Variants in CNTLN observed in about 807,000 individuals in gnomAD.
CNTLN encodes the protein centlein.
In CNTLN, 212 loss-of-function variants were observed where a neutral mutation model predicts 180.0. The observed-to-expected ratio is 1.18, with a 90% CI of 1.05 to 1.32. The LOEUF is 1.32. Ranked by LOEUF, CNTLN falls within the 40% of genes most tolerant of loss-of-function variation. The pLI is 0.00. For synonymous variants in CNTLN, 722 were observed against 563.1 expected (o/e 1.28, Z -3.99); for missense variants, 2,095 against 1,610.9 (o/e 1.30, Z -5.14).
intron 2 of CNTLN, among the ~76,000 whole-genome samples, chr9:17,153,918 G>T (rs761240458): frequency 4.6e-5 from 7 of 152,064 alleles, no homozygotes; most frequent in Non-Finnish European, 8.8e-5. Context: ...TTCAATCAAT[G>T]ATATCTTTTC....
chr9:17,303,897 A>G (rs1818535120), intron 7 of CNTLN, among the ~76,000 whole-genome samples: 1 of 152,116 alleles, frequency 6.6e-6, no homozygotes, highest in African/African-American at 2.4e-5. Flanking sequence ...TACACTAACA[A>G]TTTGTCTTCA....
chr9:17,328,899 A>G (rs1051329455), intron 8 of CNTLN, among the ~76,000 whole-genome samples: 4 of 151,986 alleles, frequency 2.6e-5, no homozygotes, highest in Admixed American at 2.0e-4. Flanking sequence ...TATCATTAAT[A>G]TAATATCAGT....
intron 23 of CNTLN, among the ~76,000 whole-genome samples, chr9:17,481,250 T>A (rs547836404): frequency 6.6e-6 from 1 of 152,094 alleles, no homozygotes; most frequent in African/African-American, 2.4e-5. Flanking sequence ...AGCCAACCCA[T>A]TGACCCTGCC....
intron 24 of CNTLN, 54 bp downstream of exon 24, chr9:17,484,534 GTAGA>G: frequency 7.3e-7 from 1 of 1,376,942 alleles, no homozygotes; most frequent in Non-Finnish European, 9.9e-7. Context: ...CTGGACTTAA[GTAGA>G]TATTTTTATT....
At chr9:17,358,705 C>G (rs1823053474) in intron 12 of CNTLN, among the ~76,000 whole-genome samples, 1 of 151,988 alleles carries the variant, frequency 6.6e-6, no homozygotes, top group African/African-American at 2.4e-5. Flanking sequence ...AGTAATAATT[C>G]TACTTCTAGT....
In CNTLN at chr9:17,288,623, T is replaced by C. The variant is rs1225151851; in HGVS notation, c.984-9567T>C. Among the ~76,000 whole-genome samples, 24 of 133,528 alleles carry C rather than the reference T, an allele frequency of 1.8e-4. 3 individuals carry two copies. In the East Asian group the frequency reaches 4.6e-3, roughly 26 times the overall value. The allele number at this position is 133,528 out of a possible 152,430, so 87.6% of individuals were successfully genotyped here. ...GACAGTGGGGTGTTAAAGTCTCCCA[T>C]TATTAATGTGTGGGAGTCTAAGTCT... On this transcript the variant is annotated intron_variant, in intron 6 of 25. Transcript: ENST00000380647.
chr9:17,161,529 G>T (rs10511633), intron 2 of CNTLN, among the ~76,000 whole-genome samples: 27,690 of 152,096 alleles, frequency 0.18, 2,600 homozygotes, highest in South Asian at 0.29. Flanking sequence ...GGAGCCATAA[G>T]AGCTTGAATT....
intron 2 of CNTLN, among the ~76,000 whole-genome samples, chr9:17,217,455 G>T (rs957103026): frequency 6.6e-6 from 1 of 152,238 alleles, no homozygotes. Flanking sequence ...TGGCCTGTGG[G>T]AATTCAGCTG....
At chr9:17,389,575 A>T (rs1431225242) in intron 14 of CNTLN, among the ~76,000 whole-genome samples, 4 of 48,636 alleles carry the variant, frequency 8.2e-5, no homozygotes, top group Non-Finnish European at 1.9e-4. Context: ...TCAAGTTGGT[A>T]TACTATTTTT....
chr9:17,297,295 A>G (rs1193526058), intron 6 of CNTLN, among the ~76,000 whole-genome samples: 1 of 152,210 alleles, frequency 6.6e-6, no homozygotes, highest in Admixed American at 6.5e-5. Context: ...ATCATTTTAT[A>G]TAAGGACTTG....
rs74683832 is a variant in CNTLN, at chr9:17,353,424, G to A, written c.1886+10980G>A. Reference sequence around the variant, plus strand: ...TGTATTATTTTTGTTCTTTATTATCGCCAAAATTGTGGGTTTTGATTTGCA... The same window carrying A: ...TGTATTATTTTTGTTCTTTATTATCACCAAAATTGTGGGTTTTGATTTGCA... On this transcript the variant is annotated intron_variant, in intron 12 of 25. Transcript: ENST00000380647. Among the ~76,000 whole-genome samples the A allele has an allele frequency of 0.018, 2,691 of 150,868 alleles. 147 individuals are homozygous for A. The East Asian group carries it at 0.22, about 12-fold the overall frequency.
At chr9:17,413,407 G>T (rs1385930469) in intron 16 of CNTLN, among the ~76,000 whole-genome samples, 2 of 151,956 alleles carry the variant, frequency 1.3e-5, no homozygotes, top group Non-Finnish European at 2.9e-5. Context: ...GAAAACAACA[G>T]TAAATTAGAC....
intron 23 of CNTLN, among the ~76,000 whole-genome samples, chr9:17,472,813 A>AT (rs761969784): frequency 6.6e-5 from 10 of 152,100 alleles, no homozygotes; most frequent in Non-Finnish European, 1.2e-4. Flanking sequence ...CATTTCCAGC[A>AT]TTTTATTCTT....
intron 5 of CNTLN, among the ~76,000 whole-genome samples, chr9:17,269,838 G>A (rs1039981939): frequency 8.6e-5 from 13 of 152,028 alleles, no homozygotes; most frequent in African/African-American, 2.9e-4. Context: ...ACAATAAAGG[G>A]AATATTGTAA....
rs761172809 is a variant in CNTLN, at chr9:17,360,328, C to T, written c.1887-6289C>T. On this transcript the variant is annotated intron_variant, in intron 12 of 25. Coordinates refer to ENST00000380647, the MANE Select transcript of CNTLN (RefSeq NM_017738.4). ...TTGCAGTTGGGGAGAAAATTGGACT[C>T]AACTCCTAATACAGCATGGGTAAGT... Among the ~76,000 whole-genome samples the T allele has an allele frequency of 7.2e-5, 11 of 152,124 alleles. No individual in the cohort carries two copies. In the East Asian group the frequency reaches 1.7e-3, roughly 24 times the overall value.
At chr9:17,156,019 C>T (rs996839544) in intron 2 of CNTLN, among the ~76,000 whole-genome samples, 3 of 152,170 alleles carry the variant, frequency 2.0e-5, no homozygotes, top group South Asian at 2.1e-4. Context: ...CCAGGTGAGG[C>T]GGTGCCCCAC....
chr9:17,291,620 A>T (rs1026251230), intron 6 of CNTLN, among the ~76,000 whole-genome samples: 2 of 152,122 alleles, frequency 1.3e-5, no homozygotes, highest in East Asian at 1.9e-4. Flanking sequence ...AGAAACTAGG[A>T]TTGCAGCCCC....
intron 2 of CNTLN, among the ~76,000 whole-genome samples, chr9:17,146,015 C>T (rs1464923326): frequency 3.3e-5 from 5 of 152,116 alleles, no homozygotes; most frequent in Non-Finnish European, 1.5e-5. Context: ...CCAAGGAGCC[C>T]ATCAGTGTGA....
chr9:17,357,530 A>G (rs922365770), intron 12 of CNTLN, among the ~76,000 whole-genome samples: 2 of 148,956 alleles, frequency 1.3e-5, no homozygotes, highest in African/African-American at 4.9e-5. Context: ...ATTTACTACT[A>G]TAGTTTGTTT....
Sources: allele counts gnomAD v4.1 joint callset (sites outside exome capture counted in the v4.1 genomes callset), GRCh38; gene constraint gnomAD v4.1.1; transcripts MANE v1.5; gene names NCBI Gene and HGNC (gene_info 2026-07-23, HGNC 2026-07-21).